The following RAP1GAP2 variants were observed in gnomAD, a reference collection of about 807,000 sequenced individuals.
The protein encoded by RAP1GAP2 is rap1 GTPase-activating protein 2.
A neutral mutation model predicts 95.0 loss-of-function variants in RAP1GAP2; 27 were observed. The observed-to-expected ratio is 0.28, with a 90% confidence interval of 0.21 to 0.39. The LOEUF (loss-of-function observed/expected upper bound fraction) is 0.39, where lower values mean the gene tolerates loss of function less well. Ranked by LOEUF, RAP1GAP2 falls within the 10% of genes least tolerant of loss-of-function variation. RAP1GAP2 has a pLI of 1.00. For missense variants in RAP1GAP2, 771 were observed against 970.0 expected (o/e 0.79, Z 2.72); for synonymous variants, 373 against 380.9 (o/e 0.98, Z 0.24).
upstream of RAP1GAP2, among the ~76,000 whole-genome samples, chr17:2,795,346 C>A (rs1261582938): frequency 6.6e-6 from 1 of 152,184 alleles, no homozygotes; most frequent in African/African-American, 2.4e-5. Flanking sequence ...CTGCTGTGTA[C>A]CAGGTGTGGT....
At chr17:2,798,516 G>A (rs941210871) in intron 1 of RAP1GAP2, among the ~76,000 whole-genome samples, 7 of 152,170 alleles carry the variant, frequency 4.6e-5, no homozygotes, top group African/African-American at 1.7e-4. Flanking sequence ...TCAGCTGGGA[G>A]GGGGTGTCAC....
At chr17:2,885,620 C>T (rs2073466644) in intron 2 of RAP1GAP2, among the ~76,000 whole-genome samples, 1 of 152,220 alleles carries the variant, frequency 6.6e-6, no homozygotes, top group African/African-American at 2.4e-5. Flanking sequence ...CATCCCACCA[C>T]GTACACTCAG....
At position 2,904,592 on chromosome 17, in the gene RAP1GAP2, G is replaced by A. The variant is rs928604022; in HGVS notation, c.81-692G>A. 2.1e-5 allele frequency among the ~76,000 whole-genome samples: 3 copies of A among 143,972 alleles called. No homozygotes were observed. The highest frequency in any genetic ancestry group is 7.5e-5 in the African/African-American group (3 of 39,926). 94.5% of individuals were successfully genotyped at this position (143,972 alleles called of 152,430 possible). ...TGTACGTGCAGAGGGGCTCAAGGGA[G>A]AATGAATCCGCGTTTCTCCCCTCCT... On this transcript the variant is annotated intron_variant, in intron 2 of 24. Transcript: ENST00000254695. This position sits in a 1 kb window ranked among gnomAD's most constrained non-coding sequence, Gnocchi z 4.7.
At position 2,861,895 on chromosome 17, in the gene RAP1GAP2, A is replaced by C. The variant is rs141357036; in HGVS notation, c.81-43389A>C. ...GCTCTCGAACTCCTGACCCCAGGTGATCCACCCACCTTGGCTTCCCAAAGT... is the reference window on the plus strand; with the variant it reads ...GCTCTCGAACTCCTGACCCCAGGTGCTCCACCCACCTTGGCTTCCCAAAGT... On this transcript the variant is annotated intron_variant, in intron 2 of 24. Coordinates refer to ENST00000254695, the MANE Select transcript of RAP1GAP2 (RefSeq NM_015085.5). Among the ~76,000 whole-genome samples the C allele has an allele frequency of 9.3e-4, 142 of 152,204 alleles. 1 individual carries two copies. The highest frequency in any genetic ancestry group is 3.3e-3 in the African/African-American group (136 of 41,516).
intron 12 of RAP1GAP2, among the ~76,000 whole-genome samples, chr17:2,993,072 A>AG (rs397857434): frequency 4.0e-5 from 6 of 150,162 alleles, no homozygotes; most frequent in African/African-American, 1.5e-4. Flanking sequence ...AAAAAAAAAA[A>AG]TTAGGCAGGC....
rs1035396934 is a variant in RAP1GAP2, at chr17:2,842,423, G to T, written c.80+41873G>T. Reference sequence around the variant, plus strand: ...CACATGCCTGTAATCCCAGCTACTTGGGAGGCTGAGGCAGGAGAATTGCTT... The same window carrying T: ...CACATGCCTGTAATCCCAGCTACTTTGGAGGCTGAGGCAGGAGAATTGCTT... On this transcript the variant is annotated intron_variant, in intron 2 of 24. Transcript: ENST00000254695. Among the ~76,000 whole-genome samples the T allele has an allele frequency of 2.4e-4, 36 of 151,456 alleles. 1 individual carries two copies. The Middle Eastern group carries it at 0.014, about 57-fold the overall frequency.
chr17:2,796,467 C>G lies in RAP1GAP2; in HGVS notation c.-61C>G. On this transcript the variant is annotated 5_prime_UTR_variant, in exon 1 of 25. Coordinates refer to ENST00000254695, the MANE Select transcript of RAP1GAP2 (RefSeq NM_015085.5). The surrounding 1 kb of genome is among the most constrained non-coding windows in gnomAD (Gnocchi z 4.7). ...ACCCCGCTGTACCACGGCCCTCTTG[C>G]GGACAGCCCCGGGGACGTCGTTGGG... 6.5e-7 allele frequency: 1 copy of G among 1,541,186 alleles called. No individual in the cohort carries two copies. The highest frequency in any genetic ancestry group is 8.8e-7 in the Non-Finnish European group (1 of 1,138,672).
At chr17:2,822,496 ATGTGCCTGTAGTCTCAGCTAC>A (rs2070345957) in intron 2 of RAP1GAP2, among the ~76,000 whole-genome samples, 1 of 151,972 alleles carries the variant, frequency 6.6e-6, no homozygotes, top group Non-Finnish European at 1.5e-5. Flanking sequence ...GTTGTGTGGT[ATGTGCCTGTAGTCTCAGCTAC>A]TTGGGAGTCA....
intron 22 of RAP1GAP2, among the ~76,000 whole-genome samples, chr17:3,030,196 A>T (rs749542724): frequency 2.0e-5 from 3 of 149,822 alleles, no homozygotes; most frequent in Non-Finnish European, 4.4e-5. Context: ...ACACACACAC[A>T]CTCACTCTCA....
Position 2,822,684 on chromosome 17 carries a change from C to CT in RAP1GAP2, c.80+22145dup, listed in dbSNP as rs1286764692. On this transcript the variant is annotated intron_variant, in intron 2 of 24. Coordinates refer to ENST00000254695, the MANE Select transcript of RAP1GAP2 (RefSeq NM_015085.5). ...GTGGCTCACGCCTATAATCCCAGCA[C>CT]TTTTTTTTTTTCCTTTGGGGAAATT... 5.3e-3 allele frequency among the ~76,000 whole-genome samples: 697 copies of CT among 130,560 alleles called. 2 individuals are homozygous for CT. Among genetic ancestry groups the CT allele is most frequent in the Non-Finnish European group, 8.9e-3 (533 of 60,028 alleles). The allele number at this position is 130,560 out of a possible 152,430, so 85.7% of individuals were successfully genotyped here.
intron 7 of RAP1GAP2, chr17:2,964,495 C>G: frequency 5.0e-6 from 1 of 200,724 alleles, no homozygotes; most frequent in Non-Finnish European, 1.0e-5. Flanking sequence ...GTCTGAGGGC[C>G]TCTGTCCTGG....
At chr17:2,760,309 A>G (rs867724423) in intron 1 of RAP1GAP2, among the ~76,000 whole-genome samples, 37 of 150,648 alleles carry the variant, frequency 2.5e-4, no homozygotes, top group East Asian at 4.0e-4. Context: ...AAAAAAAAAA[A>G]AAAAGAAAAG....
chr17:2,759,379 C>G (rs1234992385), intron 1 of RAP1GAP2, among the ~76,000 whole-genome samples: 1 of 152,182 alleles, frequency 6.6e-6, no homozygotes, highest in East Asian at 1.9e-4. Context: ...CCGCTAGGCT[C>G]AGGTGATCCT....
intron 17 of RAP1GAP2, among the ~76,000 whole-genome samples, chr17:3,013,112 C>T (rs1031800400): frequency 6.6e-6 from 1 of 152,200 alleles, no homozygotes; most frequent in Non-Finnish European, 1.5e-5. Context: ...TTCTCCCAGC[C>T]TTTGAGGGAC....
At chr17:2,956,241 G>A (rs907699575) in intron 3 of RAP1GAP2, among the ~76,000 whole-genome samples, 5 of 152,198 alleles carry the variant, frequency 3.3e-5, no homozygotes, top group South Asian at 2.1e-4. Context: ...AGTTGGGCGC[G>A]GGTGCCCTAA....
At chr17:2,959,174 CT>C (rs1567823826) in intron 4 of RAP1GAP2, among the ~76,000 whole-genome samples, 1 of 152,170 alleles carries the variant, frequency 6.6e-6, no homozygotes, top group African/African-American at 2.4e-5. Context: ...CTCAGATCCT[CT>C]CTTCCTTCTC....
intron 2 of RAP1GAP2, among the ~76,000 whole-genome samples, chr17:2,771,855 A>G (rs1379961591): frequency 6.6e-6 from 1 of 152,198 alleles, no homozygotes; most frequent in African/African-American, 2.4e-5. Context: ...AGTCTGCCAT[A>G]TAGTCATTGA....
Position 2,902,773 on chromosome 17 carries a change from C to A in RAP1GAP2, c.81-2511C>A, listed in dbSNP as rs948022620. On this transcript the variant is annotated intron_variant, in intron 2 of 24. Coordinates refer to ENST00000254695, the MANE Select transcript of RAP1GAP2 (RefSeq NM_015085.5). This position sits in a 1 kb window ranked among gnomAD's most constrained non-coding sequence, Gnocchi z 4.1. ...GAGCTTATCCAGTGTCCAGTAGAGA[C>A]CGGCCCCAGGAGCTTATCCAGCATC... 6.6e-6 allele frequency among the ~76,000 whole-genome samples: 1 copy of A among 152,232 alleles called. No homozygotes were observed. The highest frequency in any genetic ancestry group is 2.4e-5 in the African/African-American group (1 of 41,550).
At chr17:2,911,562 A>G (rs2042382952) in intron 3 of RAP1GAP2, among the ~76,000 whole-genome samples, 1 of 151,834 alleles carries the variant, frequency 6.6e-6, no homozygotes, top group South Asian at 2.1e-4. Context: ...CCACCCTCAG[A>G]GAGCCTGCCG....
Sources: gnomAD v4.1 joint callset for allele counts (sites outside exome capture counted in the v4.1 genomes callset) on GRCh38, gnomAD v4.1.1 for gene constraint, Gnocchi (gnomAD v3.1) non-coding constraint, MANE v1.5 for transcripts, NCBI Gene and HGNC (gene_info 2026-07-23, HGNC 2026-07-21) for gene names.